Variants in CNTN4 observed in about 807,000 individuals in gnomAD.
CNTN4 encodes the protein contactin 4.
A neutral mutation model predicts 122.5 loss-of-function variants in CNTN4; 77 were observed. The observed-to-expected ratio is 0.63, with a 90% confidence interval of 0.52 to 0.76. The LOEUF (loss-of-function observed/expected upper bound fraction) is 0.76, where lower values mean the gene tolerates loss of function less well. Among genes scored for constraint, CNTN4 ranks in the 30% least tolerant of loss-of-function variants. CNTN4 has a pLI of 0.00. For missense variants in CNTN4, 1,256 were observed against 1,259.1 expected (o/e 1.00, Z 0.04); for synonymous variants, 512 against 447.0 (o/e 1.15, Z -1.83).
At chr3:2,355,687 A>G (rs941279052) in intron 3 of CNTN4, among the ~76,000 whole-genome samples, 11 of 152,254 alleles carry the variant, frequency 7.2e-5, no homozygotes, top group African/African-American at 1.9e-4. Context: ...GATACTGGCC[A>G]TCCTAGCTCT....
chr3:2,266,057 C>A (rs1347729488), intron 2 of CNTN4, among the ~76,000 whole-genome samples: 2 of 151,916 alleles, frequency 1.3e-5, no homozygotes, highest in African/African-American at 2.4e-5. Flanking sequence ...CCTTTTCTTT[C>A]TTTTTCTTTC....
intron 5 of CNTN4, among the ~76,000 whole-genome samples, chr3:2,742,540 GAA>G (rs994742730): frequency 7.2e-5 from 11 of 151,766 alleles, no homozygotes; most frequent in Non-Finnish European, 8.8e-5. Flanking sequence ...CATCAACAAA[GAA>G]AGAGGATTTT....
intron 14 of CNTN4, among the ~76,000 whole-genome samples, chr3:3,009,961 A>G (rs1697063126): frequency 6.6e-6 from 1 of 151,408 alleles, no homozygotes; most frequent in African/African-American, 2.4e-5. Context: ...ATCGCTACCT[A>G]GAGAAAGAAT....
chr3:2,126,944 G>T (rs980827764), intron 2 of CNTN4, among the ~76,000 whole-genome samples: 1 of 152,184 alleles, frequency 6.6e-6, no homozygotes, highest in Non-Finnish European at 1.5e-5. Context: ...ATGGAGGGTG[G>T]TTCGAAACTA....
chr3:2,854,752 G>T (rs192770782), intron 7 of CNTN4, among the ~76,000 whole-genome samples: 23 of 152,222 alleles, frequency 1.5e-4, no homozygotes, highest in Admixed American at 1.4e-3. Context: ...TTACTTGAAA[G>T]CTTGCTCAGT....
chr3:2,982,017 G>A (rs1412061653), intron 13 of CNTN4, among the ~76,000 whole-genome samples: 1 of 152,118 alleles, frequency 6.6e-6, no homozygotes, highest in East Asian at 1.9e-4. Context: ...CAGCCTGGGT[G>A]ACACAGCAAG....
intron 4 of CNTN4, among the ~76,000 whole-genome samples, chr3:2,590,183 T>TTCTAATCC (rs748148490): frequency 9.2e-5 from 14 of 152,348 alleles, no homozygotes; most frequent in Non-Finnish European, 2.1e-4. Flanking sequence ...TCTTGTGCAT[T>TTCTAATCC]TCTAATCCAT....
chr3:2,431,930 A>G (rs1003513177), intron 3 of CNTN4, among the ~76,000 whole-genome samples: 1 of 152,178 alleles, frequency 6.6e-6, no homozygotes, highest in Non-Finnish European at 1.5e-5. Flanking sequence ...TATAGAGTAT[A>G]CCTGAGTTAA....
chr3:3,055,506 C>T (rs1376752859), intron 24 of CNTN4, among the ~76,000 whole-genome samples: 1 of 152,144 alleles, frequency 6.6e-6, no homozygotes, highest in Non-Finnish European at 1.5e-5. Flanking sequence ...CCCCGAATGA[C>T]AGTTGATAGC....
chr3:2,386,033 C>T (rs2046244529), intron 3 of CNTN4, among the ~76,000 whole-genome samples: 1 of 152,050 alleles, frequency 6.6e-6, no homozygotes, highest in South Asian at 2.1e-4. Flanking sequence ...CTATACCTTG[C>T]ACACACTACT....
At chr3:2,105,102 AG>A (rs1289046693) in intron 2 of CNTN4, among the ~76,000 whole-genome samples, 1 of 152,168 alleles carries the variant, frequency 6.6e-6, no homozygotes, top group African/African-American at 2.4e-5. Context: ...GCTTTTTCTC[AG>A]TGGCTCTAGT....
intron 2 of CNTN4, among the ~76,000 whole-genome samples, chr3:2,194,535 G>C (rs564400619): frequency 7.1e-4 from 108 of 152,236 alleles, no homozygotes; most frequent in African/African-American, 2.6e-3. Context: ...GTTGAATTGT[G>C]TCCTTCCAAA....
chr3:2,570,076 T>C (rs993097889), intron 3 of CNTN4, among the ~76,000 whole-genome samples: 2 of 152,000 alleles, frequency 1.3e-5, no homozygotes, highest in African/African-American at 4.8e-5. Flanking sequence ...GATGAGTGGA[T>C]GAGAGGAACC....
At chr3:2,289,125 A>G (rs1442558871) in intron 2 of CNTN4, among the ~76,000 whole-genome samples, 1 of 152,216 alleles carries the variant, frequency 6.6e-6, no homozygotes, top group Non-Finnish European at 1.5e-5. Flanking sequence ...TATAGTTTTA[A>G]ACAGCTTCCC....
chr3:2,137,810 G>A (rs565353107), intron 2 of CNTN4, among the ~76,000 whole-genome samples: 69 of 152,278 alleles, frequency 4.5e-4, no homozygotes, highest in African/African-American at 1.5e-3. Context: ...GGCAGGCAAG[G>A]GAGTAGTGTT....
intron 3 of CNTN4, among the ~76,000 whole-genome samples, chr3:2,539,808 T>A (rs2077958869): frequency 6.6e-6 from 1 of 152,082 alleles, no homozygotes; most frequent in Non-Finnish European, 1.5e-5. Flanking sequence ...AAAATGGCAT[T>A]TTTTTCCCTT....
At chr3:2,566,215 A>C (rs542082643) in intron 3 of CNTN4, among the ~76,000 whole-genome samples, 12 of 152,234 alleles carry the variant, frequency 7.9e-5, no homozygotes, top group Non-Finnish European at 1.6e-4. Context: ...ACTTGAAAAG[A>C]CACAATACTT....
chr3:2,256,412 A>G (rs1191011131), intron 2 of CNTN4, among the ~76,000 whole-genome samples: 5 of 152,230 alleles, frequency 3.3e-5, no homozygotes, highest in Non-Finnish European at 7.3e-5. Flanking sequence ...AACAATAGAA[A>G]AAGAGGGAAT....
intron 4 of CNTN4, among the ~76,000 whole-genome samples, chr3:2,604,820 T>C (rs772047657): frequency 1.6e-4 from 25 of 152,172 alleles, no homozygotes; most frequent in Non-Finnish European, 3.2e-4. Context: ...AGTTTTCTCC[T>C]GCCCCCTTGT....
Sources: allele counts gnomAD v4.1 joint callset (sites outside exome capture counted in the v4.1 genomes callset), GRCh38; gene constraint gnomAD v4.1.1; transcripts MANE v1.5; gene names NCBI Gene and HGNC (gene_info 2026-07-23, HGNC 2026-07-21).